NPEPL1: variants seen among roughly 807,000 people sequenced by gnomAD.
NPEPL1 encodes the protein probable aminopeptidase NPEPL1.
NPEPL1 carries 45 observed loss-of-function variants against 52.4 expected under a neutral mutation model. The observed-to-expected ratio is 0.86, with a 90% CI of 0.68 to 1.10. NPEPL1 has a LOEUF of 1.10. Among genes scored for constraint, NPEPL1 ranks in the 50% least tolerant of loss-of-function variants. The pLI is 0.00. For missense variants in NPEPL1, 696 were observed against 710.9 expected (o/e 0.98, Z 0.24); for synonymous variants, 360 against 314.7 (o/e 1.14, Z -1.52).
chr20:58,694,721 G>T (rs1409717391), intron 3 of NPEPL1, 129 bp downstream of exon 3: 1 of 1,029,566 alleles, frequency 9.7e-7, no homozygotes, highest in Non-Finnish European at 1.4e-6. Context: ...AGGAGCTTTG[G>T]TTCCTGGGAA....
chr20:58,698,823 A>G (rs1400705259), intron 4 of NPEPL1, 50 bp downstream of exon 4: 5 of 1,512,792 alleles, frequency 3.3e-6, no homozygotes, highest in Non-Finnish European at 4.6e-6. Flanking sequence ...GGTGGGTGTC[A>G]TAGACTCCCA....
chr20:58,699,092 C>A, intron 4 of NPEPL1, 105 bp from the exon 5 acceptor site: 1 of 1,098,186 alleles, frequency 9.1e-7, no homozygotes, highest in Non-Finnish European at 1.4e-6. Flanking sequence ...GGCTCCCCGA[C>A]GCGGCACAGG....
At chr20:58,693,278 C>G (rs990180261) in intron 1 of NPEPL1, 1 of 187,598 alleles carries the variant, frequency 5.3e-6, no homozygotes. Flanking sequence ...TCAGCCCAGC[C>G]CTGCGCCCCG....
intron 5 of NPEPL1, among the ~76,000 whole-genome samples, chr20:58,699,549 G>A (rs574594956): frequency 7.2e-5 from 11 of 152,322 alleles, no homozygotes; most frequent in East Asian, 1.9e-4. Flanking sequence ...CAGCGTCCTC[G>A]CGTGCTGCAC....
intron 10 of NPEPL1, chr20:58,714,313 CCA>C (rs1450356850): frequency 1.6e-6 from 1 of 622,014 alleles, no homozygotes; most frequent in Non-Finnish European, 2.7e-6. Context: ...GGTTTCTCCC[CCA>C]GTCTTGGGTC....
intron 11 of NPEPL1, 163 bp downstream of exon 11, chr20:58,714,833 G>A: frequency 1.6e-6 from 1 of 640,794 alleles, no homozygotes; most frequent in East Asian, 2.8e-5. Context: ...TCCTCCCTGG[G>A]AACAGAGTGG....
At chr20:58,703,596 A>T (rs1471099402) in intron 6 of NPEPL1, 1 of 985,256 alleles carries the variant, frequency 1.0e-6, no homozygotes. Context: ...CAATGTGAGA[A>T]GATGAGCTTC....
chr20:58,696,343 C>G (rs941197529), intron 3 of NPEPL1, among the ~76,000 whole-genome samples: 31 of 152,228 alleles, frequency 2.0e-4, no homozygotes, highest in Non-Finnish European at 1.2e-4. Context: ...TTGGCTAGCA[C>G]CACCCTCCCA....
rs2084384466 is a variant in NPEPL1, at chr20:58,692,927, G to A, written c.27G>A (p.Gln9=). Residue 9 remains glutamine, a synonymous_variant, in exon 1 of 12, where the codon CAG becomes CAA. Coordinates refer to ENST00000356091, the MANE Select transcript of NPEPL1 (RefSeq NM_024663.4). This position sits in a 1 kb window ranked among gnomAD's most constrained non-coding sequence, Gnocchi z 5.7. MANVGLQF[Q]ASAGDSDPQS... is the part of the protein sequence containing the mutation. ...TGGCGAACGTGGGGCTGCAGTTCCA[G>A]GCGAGCGCGGGGGACTCGGACCCAC... 8.9e-7 allele frequency: 1 copy of A among 1,126,598 alleles called. No individual in the cohort carries two copies. The allele number at this position is 1,126,598 out of a possible 1,614,324, so 69.8% of individuals were successfully genotyped here.
chr20:58,694,640 G>T, intron 3 of NPEPL1, 48 bp downstream of exon 3: 3 of 1,544,062 alleles, frequency 1.9e-6, no homozygotes, highest in Non-Finnish European at 2.6e-6. Context: ...GGGCAAGATC[G>T]GGCAGGTGGG....
In NPEPL1 at chr20:58,701,134, T is replaced by C. The variant is rs772943720; in HGVS notation, c.798T>C (p.Thr266=). The C allele has an allele frequency of 1.3e-5, 20 of 1,577,714 alleles. No individual in the cohort carries two copies. The highest frequency in any genetic ancestry group is 1.7e-4 in the Middle Eastern group (1 of 6,014). ...TGGGCAAAGGCATCGTCTATGACAC[T>C]GGAGGCCTCAGCATCAAAGGGAAGG... ...AWVGKGIVYD[T]GGLSIKGKTT... The change falls in exon 6 of 12, where the codon ACT becomes ACC. Residue 266 remains threonine (T), a synonymous_variant. Coordinates refer to ENST00000356091, the MANE Select transcript of NPEPL1 (RefSeq NM_024663.4).
In NPEPL1 at chr20:58,703,581, T is replaced by C. The variant is rs2084678510; in HGVS notation, c.822+2423T>C. Reference sequence around the variant, plus strand: ...GCTTGTTTTTGATGTCGGCTTGTTGTGGACCAATGTGAGAAGATGAGCTTC... The same window carrying C: ...GCTTGTTTTTGATGTCGGCTTGTTGCGGACCAATGTGAGAAGATGAGCTTC... On this transcript the variant is annotated intron_variant, in intron 6 of 11. Transcript: ENST00000356091. 4.1e-6 allele frequency: 4 copies of C among 985,346 alleles called. No individual in the cohort carries two copies. In the African/African-American group the frequency reaches 7.0e-5, roughly 17 times the overall value. 61.0% of individuals were successfully genotyped at this position (985,346 alleles called of 1,614,324 possible). A position where few individuals can be genotyped will look rare whatever the true frequency, so the allele number is the denominator to read the frequency against.
chr20:58,693,469 T>C (rs1038726251), intron 1 of NPEPL1: 24 of 402,476 alleles, frequency 6.0e-5, no homozygotes, highest in Admixed American at 8.8e-5. Context: ...CTAAGCCCTA[T>C]CCGAGTGTTG....
rs1568862021 is a variant in NPEPL1, at chr20:58,713,533, C to G, written c.1115C>G (p.Thr372Ser). Residue 372 changes from threonine (T) to serine (S), a missense_variant, in exon 9 of 12, where the codon ACC (threonine) becomes AGC (serine). Physicochemically the swap from Thr to Ser is moderately conservative, Grantham distance 58. Transcript: ENST00000356091. The surrounding 1 kb of genome is among the most constrained non-coding windows in gnomAD (Gnocchi z 4.6). ...ADIILDMATL[T>S]GAQGIATGKY... ...ATCATCCTGGACATGGCCACCCTGACCGGGGCTCAGGTGAGTGCTCCCTGG... is the reference window on the plus strand; with the variant it reads ...ATCATCCTGGACATGGCCACCCTGAGCGGGGCTCAGGTGAGTGCTCCCTGG... 1 of 1,606,286 alleles carries G rather than the reference C, an allele frequency of 6.2e-7. No homozygotes were observed. The highest frequency in any genetic ancestry group is 8.5e-7 in the Non-Finnish European group (1 of 1,175,826).
chr20:58,692,905 C>A lies in NPEPL1; in HGVS notation c.5C>A (p.Ala2Glu), dbSNP rs1386679695. The change falls in exon 1 of 12, where the codon GCG becomes GAG. Residue 2 changes from alanine to glutamate, a missense_variant. By Grantham distance (107) the Ala-to-Glu change is moderately radical. Coordinates refer to ENST00000356091, the MANE Select transcript of NPEPL1 (RefSeq NM_024663.4). The surrounding 1 kb of genome is among the most constrained non-coding windows in gnomAD (Gnocchi z 5.7). Reference sequence around the variant, plus strand: ...GGGGCGTGGGCCGGCAGGAAGATGGCGAACGTGGGGCTGCAGTTCCAGGCG... The same window carrying A: ...GGGGCGTGGGCCGGCAGGAAGATGGAGAACGTGGGGCTGCAGTTCCAGGCG... Reference protein sequence around the residue: MANVGLQFQASA... With the variant: MENVGLQFQASA... The A allele has an allele frequency of 9.4e-7, 1 of 1,068,468 alleles. No individual in the cohort carries two copies. Among genetic ancestry groups the A allele is most frequent in the Non-Finnish European group, 1.1e-6 (1 of 880,384 alleles). The allele number at this position is 1,068,468 out of a possible 1,614,324, so 66.2% of individuals were successfully genotyped here.
chr20:58,706,626 C>T (rs1327748897), intron 6 of NPEPL1, among the ~76,000 whole-genome samples: 2 of 152,154 alleles, frequency 1.3e-5, no homozygotes, highest in African/African-American at 4.8e-5. Flanking sequence ...GGCCAGGGAC[C>T]TCCAGCAAGC....
chr20:58,692,714 G>C, upstream of NPEPL1: 1 of 626,762 alleles, frequency 1.6e-6, no homozygotes, highest in Non-Finnish European at 2.0e-6. The surrounding 1 kb of genome is among the most constrained non-coding windows in gnomAD (Gnocchi z 5.7). Flanking sequence ...GGCCTGGCCG[G>C]CGCCCCCTCG....
intron 5 of NPEPL1, among the ~76,000 whole-genome samples, chr20:58,699,523 C>A (rs891214935): frequency 6.6e-6 from 1 of 152,230 alleles, no homozygotes. Flanking sequence ...AAGTCCTTCC[C>A]TGCCTGCAGC....
chr20:58,691,374 T>A, upstream of NPEPL1: 1 of 317,556 alleles, frequency 3.1e-6, no homozygotes, highest in Non-Finnish European at 5.3e-6. Flanking sequence ...CTTTTTTTTT[T>A]TTTTTTTTTT....
Sources: allele counts gnomAD v4.1 joint callset (sites outside exome capture counted in the v4.1 genomes callset), GRCh38; gene constraint gnomAD v4.1.1; non-coding constraint Gnocchi (gnomAD v3.1); transcripts MANE v1.5; gene names NCBI Gene and HGNC (gene_info 2026-07-23, HGNC 2026-07-21).